The following ZFPM2 variants were observed in gnomAD, a reference collection of about 807,000 sequenced individuals.
ZFPM2 encodes zinc finger protein, FOG family member 2.
Under a neutral mutation model 98.6 loss-of-function variants are expected in ZFPM2, and 20 were observed. The ratio of observed to expected loss-of-function variants is 0.20; its 90% confidence interval spans 0.14 to 0.29. The LOEUF is 0.29. ZFPM2 is among the 10% of genes least tolerant of loss of function. The pLI, the probability that ZFPM2 is intolerant of heterozygous loss-of-function variation, is 1.00. For missense variants in ZFPM2, 1,310 were observed against 1,388.6 expected, an observed-to-expected ratio of 0.94 and a Z score of 0.90; for synonymous variants, 518 against 502.7, an observed-to-expected ratio of 1.03 and a Z score of -0.41.
rs375489377 is a variant in ZFPM2 at position 105,415,808 on chromosome 8, T to C, written c.41-3336T>C. Among the ~76,000 whole-genome samples the C allele has an allele frequency of 2.0e-5, 3 of 152,162 alleles. No homozygotes were observed. In the East Asian group the frequency reaches 5.8e-4, roughly 29 times the overall value. The stretch of plus-strand genomic sequence containing the variant: ...TGATTTGATGGTGTAGCTAAAGAAA[T>C]GGTTAGTTATTTCACATTTTAAAGT... On this transcript the variant is annotated intron_variant, in intron 1 of 7. Coordinates refer to ENST00000407775, the MANE Select transcript of ZFPM2 (RefSeq NM_012082.4).
chr8:105,392,297 T>G (rs1206398287), intron 1 of ZFPM2, among the ~76,000 whole-genome samples: 1 of 152,218 alleles, frequency 6.6e-6, no homozygotes, highest in Non-Finnish European at 1.5e-5. Flanking sequence ...AAAATGGAAT[T>G]AAAGTCAGTG....
chr8:105,320,114 CT>C (rs1223961576), intron 1 of ZFPM2, among the ~76,000 whole-genome samples: 7 of 152,072 alleles, frequency 4.6e-5, no homozygotes, highest in African/African-American at 1.4e-4. Flanking sequence ...CCTTTCCCCC[CT>C]GATTATTAAC....
At chr8:105,508,138 TGA>T (rs966230822) in intron 3 of ZFPM2, among the ~76,000 whole-genome samples, 4 of 152,168 alleles carry the variant, frequency 2.6e-5, no homozygotes, top group South Asian at 4.1e-4. Context: ...CGTAACATTT[TGA>T]GAGAGTGTCC....
At chr8:105,398,230 A>C (rs1366084850) in intron 1 of ZFPM2, among the ~76,000 whole-genome samples, 1 of 152,146 alleles carries the variant, frequency 6.6e-6, no homozygotes, top group African/African-American at 2.4e-5. Flanking sequence ...TGACTACATA[A>C]GGATCATATT....
chr8:105,364,608 T>C (rs1338889875), intron 1 of ZFPM2, among the ~76,000 whole-genome samples: 1 of 151,644 alleles, frequency 6.6e-6, no homozygotes, highest in Admixed American at 6.6e-5. Flanking sequence ...ATGTAGAGAT[T>C]GTGTCTGTCT....
At chr8:105,560,912 T>C (rs113686126) in intron 3 of ZFPM2, among the ~76,000 whole-genome samples, 54 of 152,300 alleles carry the variant, frequency 3.5e-4, no homozygotes, top group African/African-American at 1.2e-3. Context: ...ATTTTACCTA[T>C]TGAAACTGGT....
At chr8:105,404,944 C>T (rs1468227628) in intron 1 of ZFPM2, among the ~76,000 whole-genome samples, 1 of 152,068 alleles carries the variant, frequency 6.6e-6, no homozygotes, top group Non-Finnish European at 1.5e-5. Flanking sequence ...CACAGTTAAC[C>T]CTCCAAGAAC....
intron 5 of ZFPM2, among the ~76,000 whole-genome samples, chr8:105,669,718 C>T (rs571026043): frequency 6.6e-6 from 1 of 151,978 alleles, no homozygotes; most frequent in Non-Finnish European, 1.5e-5. Context: ...AAATATTATT[C>T]TTCTCTCTAT....
At chr8:105,437,243 A>C (rs1812138925) in intron 2 of ZFPM2, among the ~76,000 whole-genome samples, 1 of 152,188 alleles carries the variant, frequency 6.6e-6, no homozygotes, top group East Asian at 1.9e-4. Flanking sequence ...CTACTATTGT[A>C]GTGCTTCTTT....
chr8:105,616,713 A>G, intron 4 of ZFPM2: 1 of 371,680 alleles, frequency 2.7e-6, no homozygotes. Context: ...AAGTTGTCCT[A>G]CTTGATCAAG....
At chr8:105,332,846 A>G (rs1326892453) in intron 1 of ZFPM2, among the ~76,000 whole-genome samples, 1 of 151,616 alleles carries the variant, frequency 6.6e-6, no homozygotes, top group African/African-American at 2.4e-5. Flanking sequence ...GGAGCATGGT[A>G]TTTTCAAGGT....
chr8:105,442,317 C>T (rs1367454788), intron 2 of ZFPM2, among the ~76,000 whole-genome samples: 2 of 152,154 alleles, frequency 1.3e-5, no homozygotes, highest in African/African-American at 4.8e-5. Flanking sequence ...GCACTCCAGC[C>T]TGGGTGACAG....
At chr8:105,647,219 A>G (rs1213266592) in intron 5 of ZFPM2, among the ~76,000 whole-genome samples, 2 of 151,954 alleles carry the variant, frequency 1.3e-5, no homozygotes, top group Non-Finnish European at 2.9e-5. Context: ...TATTTTGTTG[A>G]CTTCTATTGT....
intron 3 of ZFPM2, among the ~76,000 whole-genome samples, chr8:105,528,622 C>T (rs1157692581): frequency 6.6e-6 from 1 of 151,960 alleles, no homozygotes. Flanking sequence ...AGATCGTGTA[C>T]AAATTATGAT....
intron 5 of ZFPM2, among the ~76,000 whole-genome samples, chr8:105,684,089 C>T (rs546711066): frequency 4.6e-5 from 7 of 152,116 alleles, no homozygotes; most frequent in African/African-American, 1.7e-4. Flanking sequence ...ATCATTGATG[C>T]GCTTATTCCT....
At chr8:105,619,124 A>G (rs1223822222) in intron 4 of ZFPM2, among the ~76,000 whole-genome samples, 3 of 152,150 alleles carry the variant, frequency 2.0e-5, no homozygotes, top group African/African-American at 4.8e-5. Context: ...TTTATTTTAA[A>G]TTGGAGACGG....
intron 6 of ZFPM2, among the ~76,000 whole-genome samples, chr8:105,794,782 A>ATGGCTGGCGCCCCTCCCCCAGCC (rs1813739505): frequency 6.6e-6 from 1 of 152,150 alleles, no homozygotes; most frequent in Non-Finnish European, 1.5e-5. Flanking sequence ...AGCCTGGGCA[A>ATGGCTGGCGCCCCTCCCCCAGCC]TGGCTGGCGC....
intron 4 of ZFPM2, among the ~76,000 whole-genome samples, chr8:105,612,286 A>T (rs527783240): frequency 6.6e-6 from 1 of 152,272 alleles, no homozygotes; most frequent in East Asian, 1.9e-4. Flanking sequence ...TTACTATAAA[A>T]TAGCTGATTT....
chr8:105,350,637 TG>T (rs959310283), intron 1 of ZFPM2, among the ~76,000 whole-genome samples: 3 of 152,102 alleles, frequency 2.0e-5, no homozygotes, highest in Admixed American at 2.0e-4. Flanking sequence ...GTAATTTTGG[TG>T]GGGGACACTG....
Sources: allele counts gnomAD v4.1 joint callset (sites outside exome capture counted in the v4.1 genomes callset), GRCh38; gene constraint gnomAD v4.1.1; transcripts MANE v1.5; gene names NCBI Gene and HGNC (gene_info 2026-07-23, HGNC 2026-07-21).